The following NRG3 variants were observed in gnomAD, a reference collection of about 807,000 sequenced individuals.
NRG3 encodes the protein pro-neuregulin-3, membrane-bound isoform.
Under a neutral mutation model 66.9 loss-of-function variants are expected in NRG3, and 31 were observed. That is an observed-to-expected ratio of 0.46 (90% CI 0.35 to 0.63). NRG3 has a LOEUF of 0.63. Ranked by LOEUF, NRG3 falls within the 20% of genes least tolerant of loss-of-function variation. The pLI is 0.00. For synonymous variants in NRG3, 393 were observed against 359.4 expected, an observed-to-expected ratio of 1.09 and a Z score of -1.06; for missense variants, 910 against 878.9, an observed-to-expected ratio of 1.04 and a Z score of -0.45.
chr10:82,205,851 G>T (rs1338206866), intron 1 of NRG3, among the ~76,000 whole-genome samples: 1 of 152,080 alleles, frequency 6.6e-6, no homozygotes, highest in Non-Finnish European at 1.5e-5. Flanking sequence ...TCCAGAAATA[G>T]GTTTTCTGCC....
chr10:82,043,613 C>T (rs1024244970), intron 1 of NRG3, among the ~76,000 whole-genome samples: 1 of 151,964 alleles, frequency 6.6e-6, no homozygotes, highest in African/African-American at 2.4e-5. Flanking sequence ...GAGAATCATC[C>T]TGTCACCTCC....
intron 1 of NRG3, among the ~76,000 whole-genome samples, chr10:82,337,590 A>C (rs191064861): frequency 9.9e-5 from 15 of 152,268 alleles, no homozygotes; most frequent in African/African-American, 3.1e-4. Context: ...GCACCATTTT[A>C]CTTTCCCCAG....
At position 81,875,771 on chromosome 10, in the gene NRG3, G is replaced by A. The variant is rs953237968; in HGVS notation, c.431G>A (p.Gly144Asp). 5.6e-6 allele frequency: 9 copies of A among 1,611,652 alleles called. No individual in the cohort carries two copies. In the Admixed American group the frequency reaches 1.0e-4, roughly 18 times the overall value. The change falls in exon 1 of 9, where the codon GGT (glycine) becomes GAT (aspartate). Residue 144 changes from glycine (G) to aspartate (D), a missense_variant. Transcript: ENST00000372141. This position sits in a 1 kb window ranked among gnomAD's most constrained non-coding sequence, Gnocchi z 5.3. ...TTSPATPSAG[G>D]AASSRTPNRI... The stretch of plus-strand genomic sequence containing the variant: ...TCCCCCGCCACCCCCTCCGCCGGGG[G>A]TGCCGCCTCCTCCAGGACGCCCAAC...
chr10:81,918,260 G>A (rs559109293), intron 1 of NRG3, among the ~76,000 whole-genome samples: 9 of 152,086 alleles, frequency 5.9e-5, no homozygotes, highest in Admixed American at 5.9e-4. Flanking sequence ...TGCATTTGTT[G>A]TATTTGGAAT....
chr10:82,634,804 A>T (rs1307421961), intron 2 of NRG3, among the ~76,000 whole-genome samples: 3 of 152,164 alleles, frequency 2.0e-5, no homozygotes, highest in African/African-American at 7.2e-5. Flanking sequence ...TGCAGGTCAG[A>T]TGATGGTTGG....
chr10:81,906,847 C>T (rs937178231), intron 1 of NRG3, among the ~76,000 whole-genome samples: 2 of 151,890 alleles, frequency 1.3e-5, no homozygotes, highest in South Asian at 2.1e-4. Context: ...AGCAAAGGAG[C>T]GGGTGTGAGG....
intron 1 of NRG3, among the ~76,000 whole-genome samples, chr10:82,235,101 G>C (rs774121694): frequency 2.0e-5 from 3 of 152,214 alleles, no homozygotes; most frequent in African/African-American, 7.2e-5. Context: ...AATTTGGGGA[G>C]CAATGAGACT....
intron 2 of NRG3, among the ~76,000 whole-genome samples, chr10:82,511,135 A>C (rs559828777): frequency 5.9e-5 from 9 of 152,342 alleles, no homozygotes; most frequent in Admixed American, 3.9e-4. Context: ...AGACTGGCCT[A>C]TAACTGTGGA....
intron 2 of NRG3, among the ~76,000 whole-genome samples, chr10:82,633,081 C>A (rs1207894401): frequency 6.6e-6 from 1 of 152,148 alleles, no homozygotes; most frequent in East Asian, 1.9e-4. Flanking sequence ...CCAAGCATCA[C>A]ATTTTCATCT....
chr10:82,207,577 C>T (rs186054718), intron 1 of NRG3, among the ~76,000 whole-genome samples: 5 of 152,184 alleles, frequency 3.3e-5, no homozygotes, highest in South Asian at 2.1e-4. Context: ...CCGTGTGTAG[C>T]GGTCCGTTCT....
intron 1 of NRG3, among the ~76,000 whole-genome samples, chr10:82,019,854 G>A (rs1304531795): frequency 6.6e-6 from 1 of 151,974 alleles, no homozygotes; most frequent in African/African-American, 2.4e-5. Context: ...CTTGCTAGCG[G>A]TCTATCAATT....
At chr10:81,988,085 A>G (rs1406907947) in intron 1 of NRG3, among the ~76,000 whole-genome samples, 4 of 152,222 alleles carry the variant, frequency 2.6e-5, no homozygotes, top group African/African-American at 9.6e-5. Flanking sequence ...GAAAACAAAG[A>G]AAAAACCAAA....
chr10:82,403,108 G>C (rs184372333), intron 2 of NRG3, among the ~76,000 whole-genome samples: 1 of 152,082 alleles, frequency 6.6e-6, no homozygotes, highest in Admixed American at 6.6e-5. Context: ...TCTGAAACAC[G>C]TGAAGACACA....
intron 2 of NRG3, among the ~76,000 whole-genome samples, chr10:82,517,871 A>G (rs1845837952): frequency 1.3e-5 from 2 of 152,150 alleles, no homozygotes; most frequent in African/African-American, 4.8e-5. Context: ...TTTTAATGCA[A>G]AAGTTTATAT....
chr10:81,994,376 A>G (rs1031088474), intron 1 of NRG3, among the ~76,000 whole-genome samples: 4 of 152,258 alleles, frequency 2.6e-5, no homozygotes, highest in Admixed American at 1.3e-4. Context: ...GAAAGTTTAA[A>G]TAAGATATTG....
At chr10:82,841,728 C>T (rs952856670) in intron 3 of NRG3, among the ~76,000 whole-genome samples, 2 of 152,106 alleles carry the variant, frequency 1.3e-5, no homozygotes, top group Admixed American at 6.6e-5. Context: ...AACCATATCT[C>T]CAAAATTCTG....
rs375178102 is a variant in NRG3 at position 82,757,816 on chromosome 10, A to G, written c.1027+19166A>G. Reference sequence around the variant, plus strand: ...AGGAAGGAATAATTGCTCTCACTCTAATGGAATTTTTTTTTAAATTTCTTA... The same window carrying G: ...AGGAAGGAATAATTGCTCTCACTCTGATGGAATTTTTTTTTAAATTTCTTA... On this transcript the variant is annotated intron_variant, in intron 3 of 8. Transcript: ENST00000372141. Among the ~76,000 whole-genome samples, 139 of 152,210 alleles carry G rather than the reference A, an allele frequency of 9.1e-4. 2 individuals are homozygous for G. Among genetic ancestry groups the G allele is most frequent in the Middle Eastern group, 3.4e-3 (1 of 294 alleles).
At chr10:82,545,549 C>A (rs1389192320) in intron 2 of NRG3, among the ~76,000 whole-genome samples, 2 of 151,212 alleles carry the variant, frequency 1.3e-5, no homozygotes, top group Non-Finnish European at 3.0e-5. Flanking sequence ...TGGCTAATTT[C>A]TTTTTGTATT....
intron 1 of NRG3, among the ~76,000 whole-genome samples, chr10:81,894,442 T>C (rs1391567516): frequency 6.6e-6 from 1 of 152,136 alleles, no homozygotes; most frequent in Non-Finnish European, 1.5e-5. Flanking sequence ...CTGAGGCCTC[T>C]CTCCTTGGCT....
Sources: allele counts gnomAD v4.1 joint callset (sites outside exome capture counted in the v4.1 genomes callset), GRCh38; gene constraint gnomAD v4.1.1; non-coding constraint Gnocchi (gnomAD v3.1); transcripts MANE v1.5; gene names NCBI Gene and HGNC (gene_info 2026-07-23, HGNC 2026-07-21).